MFAP5: variants seen among roughly 807,000 people sequenced by gnomAD.
MFAP5 encodes microfibrillar-associated protein 5.
A neutral mutation model predicts 30.1 loss-of-function variants in MFAP5; 19 were observed. The observed-to-expected ratio is 0.63, with a 90% CI of 0.44 to 0.93. The LOEUF is 0.93. Among genes scored for constraint, MFAP5 ranks in the 40% least tolerant of loss-of-function variants. MFAP5 has a pLI of 0.00. For synonymous variants in MFAP5, 92 were observed against 72.9 expected (o/e 1.26, Z -1.33); for missense variants, 210 against 221.3 (o/e 0.95, Z 0.32).
rs148518024 is a variant in MFAP5 at position 8,652,242 on chromosome 12, T to C, written c.218-551A>G. Among the ~76,000 whole-genome samples the C allele has an allele frequency of 2.1e-4, 32 of 151,842 alleles. No homozygotes were observed. The East Asian group carries it at 6.0e-3, about 29-fold the overall frequency. The stretch of plus-strand genomic sequence containing the variant: ...GGTAGATTATTTGAGGTCAGGAGTT[T>C]GAGACCAGCCTGGCCAACATGGTGA... On this transcript the variant is annotated intron_variant, in intron 6 of 9. Coordinates refer to ENST00000359478, the MANE Select transcript of MFAP5 (RefSeq NM_003480.4).
rs144375450 is a variant in MFAP5 at position 8,648,169 on chromosome 12, A to G, written c.444T>C (p.Pro148=). 1 of 1,613,760 alleles carries G rather than the reference A, an allele frequency of 6.2e-7. No individual in the cohort carries two copies. The highest frequency in any genetic ancestry group is 1.7e-5 in the Admixed American group (1 of 59,980). ...ELCRQMAGLP[P]RRLRRSNYFR... ...AGTAATTGGAGCGACGGAGTCTCCT[A>G]GGGGGCAGACCAGCCATCTGACGGC... The change falls in exon 10 of 10, where the codon CCT becomes CCC. Residue 148 remains proline, a synonymous_variant. Coordinates refer to ENST00000359478, the MANE Select transcript of MFAP5 (RefSeq NM_003480.4).
At chr12:8,658,102 A>G (rs1942053753) in intron 3 of MFAP5, among the ~76,000 whole-genome samples, 2 of 152,132 alleles carry the variant, frequency 1.3e-5, no homozygotes, top group African/African-American at 4.8e-5. Context: ...TAATCCCAGC[A>G]TTTTGGGAGG....
intron 6 of MFAP5, among the ~76,000 whole-genome samples, chr12:8,651,942 G>C (rs563823624): frequency 6.6e-6 from 1 of 152,134 alleles, no homozygotes; most frequent in South Asian, 2.1e-4. Flanking sequence ...GAAATTCATT[G>C]TATTGTGAGT....
chr12:8,656,273 C>T (rs955470009), intron 3 of MFAP5, among the ~76,000 whole-genome samples: 1 of 151,690 alleles, frequency 6.6e-6, no homozygotes, highest in Admixed American at 6.6e-5. Flanking sequence ...TGGTCTCGAT[C>T]TCCTGACCTC....
intron 3 of MFAP5, among the ~76,000 whole-genome samples, chr12:8,656,617 T>TACACACAAACAC (rs1303403573): frequency 7.7e-6 from 1 of 129,572 alleles, no homozygotes; most frequent in African/African-American, 3.5e-5. Context: ...CACATATATA[T>TACACACAAACAC]ACACACATAC....
rs1941842564 is a variant in MFAP5 at position 8,651,664 on chromosome 12, G to T, written c.245C>A (p.Ala82Glu). ...AGGCATGCAAGCAACAATCATACCT[G>T]CAGTGGTATTTTTTTCACTGAGGGA... ...LASLSEKNTT[A>E]ECWDEKFTCT... Residue 82 changes from alanine to glutamate, a missense_variant and splice_region_variant, in exon 7 of 10, where the codon GCA becomes GAA. Transcript: ENST00000359478. 1 of 1,613,774 alleles carries T rather than the reference G, an allele frequency of 6.2e-7. No homozygotes were observed. The highest frequency in any genetic ancestry group is 8.5e-7 in the Non-Finnish European group (1 of 1,179,848).
At chr12:8,661,867 A>G (rs1591578846) in intron 2 of MFAP5, among the ~76,000 whole-genome samples, 180 bp downstream of exon 2, 1 of 152,212 alleles carries the variant, frequency 6.6e-6, no homozygotes, top group East Asian at 1.9e-4. Flanking sequence ...TCTGAAGTCT[A>G]GTCACATTCC....
At position 8,649,556 on chromosome 12, in the gene MFAP5, G is replaced by A. The variant is rs781404692; in HGVS notation, c.354C>T (p.Ile118=). 16 of 1,613,854 alleles carry A rather than the reference G, an allele frequency of 9.9e-6. No individual in the cohort carries two copies. Among genetic ancestry groups the A allele is most frequent in the South Asian group, 4.4e-5 (4 of 91,086 alleles). The part of the protein sequence containing the change: ...LCFTSLRRMY[I]VNKEICSRLV... ...GACGAGAGCAGATCTCCTTGTTGAC[G>A]ATGTACATACGTCGTAAACTGCAGA... The change falls in exon 9 of 10, where the codon ATC becomes ATT. Residue 118 remains isoleucine, a synonymous_variant. Transcript: ENST00000359478.
chr12:8,650,689 TAC>T, intron 7 of MFAP5, 100 bp from the exon 8 acceptor site: 1 of 963,154 alleles, frequency 1.0e-6, no homozygotes, highest in South Asian at 1.4e-5. Flanking sequence ...AGGAAAAAAA[TAC>T]AGAGTAATCT....
chr12:8,650,415 AATTCCAT>A, intron 8 of MFAP5, 80 bp downstream of exon 8: 1 of 1,369,018 alleles, frequency 7.3e-7, no homozygotes, highest in Non-Finnish European at 1.0e-6. Flanking sequence ...CAAAGTTTGC[AATTCCAT>A]AGTGGGTGCT....
At position 8,662,698 on chromosome 12, in the gene MFAP5, C is replaced by T. The variant is rs998042719; in HGVS notation, c.-74G>A. 8 of 152,506 alleles carry T rather than the reference C, an allele frequency of 5.2e-5. No homozygotes were observed. The highest frequency in any genetic ancestry group is 8.8e-5 in the Non-Finnish European group (6 of 68,402). The allele number at this position is 152,506 out of a possible 1,614,324, so 9.4% of individuals were successfully genotyped here. A position where few individuals can be genotyped will look rare whatever the true frequency, so the allele number is the denominator to read the frequency against. On this transcript the variant is annotated 5_prime_UTR_variant, in exon 1 of 10. Transcript: ENST00000359478. ...TGTGTCTCTCTCCTCTTACGCTGTT[C>T]CTACTTTGGCTGGCGAATAAGATGA... is the stretch of plus-strand genomic sequence containing the variant.
chr12:8,652,400 G>A (rs775034789), intron 6 of MFAP5, among the ~76,000 whole-genome samples: 2 of 151,912 alleles, frequency 1.3e-5, no homozygotes, highest in Middle Eastern at 3.2e-3. Context: ...AGCCAAGATC[G>A]TACCATTGCA....
At chr12:8,655,718 G>GT in intron 4 of MFAP5, 68 bp downstream of exon 4, 1 of 1,542,696 alleles carries the variant, frequency 6.5e-7, no homozygotes, top group South Asian at 1.1e-5. Context: ...TTTTCTTTAT[G>GT]TAGACATGAT....
intron 1 of MFAP5, 186 bp from the exon 2 acceptor site, chr12:8,662,292 A>T: frequency 1.7e-6 from 1 of 578,586 alleles, no homozygotes. Flanking sequence ...TCTCCCTCAA[A>T]TCTATTCCTT....
chr12:8,654,285 A>G (rs1941921834), intron 6 of MFAP5, 152 bp downstream of exon 6: 3 of 682,960 alleles, frequency 4.4e-6, no homozygotes, highest in Admixed American at 6.3e-5. Flanking sequence ...CAACAATGTC[A>G]TTAATTTGAA....
intron 3 of MFAP5, among the ~76,000 whole-genome samples, chr12:8,656,649 CATATAT>C (rs757365767): frequency 9.2e-6 from 1 of 109,076 alleles, no homozygotes; most frequent in African/African-American, 3.5e-5. Context: ...CACACACACA[CATATAT>C]ATATATATAT....
chr12:8,655,508 A>T, intron 4 of MFAP5, 61 bp from the exon 5 acceptor site: 1 of 1,524,392 alleles, frequency 6.6e-7, no homozygotes, highest in East Asian at 2.3e-5. Context: ...TAAGGAAAGC[A>T]GGATAAGGGG....
intron 2 of MFAP5, among the ~76,000 whole-genome samples, chr12:8,661,570 T>C (rs986402319): frequency 1.1e-4 from 16 of 151,568 alleles, no homozygotes; most frequent in African/African-American, 3.9e-4. Flanking sequence ...TTAATGGAGA[T>C]GAGGTTAACT....
chr12:8,656,609 CAT>C (rs1185913127), intron 3 of MFAP5, among the ~76,000 whole-genome samples: 9 of 133,696 alleles, frequency 6.7e-5, no homozygotes, highest in African/African-American at 9.9e-5. Context: ...CACACACACA[CAT>C]ATATATACAC....
Sources: allele counts gnomAD v4.1 joint callset (sites outside exome capture counted in the v4.1 genomes callset), GRCh38; gene constraint gnomAD v4.1.1; transcripts MANE v1.5; gene names NCBI Gene and HGNC (gene_info 2026-07-23, HGNC 2026-07-21).